Variants in SLC35F3 observed in about 807,000 individuals in gnomAD.
The protein encoded by SLC35F3 is solute carrier family 35 member F3.
In SLC35F3, 25 loss-of-function variants were observed where a neutral mutation model predicts 49.9. That is an observed-to-expected ratio of 0.50 (90% CI 0.37 to 0.70). SLC35F3 has a LOEUF of 0.70. Ranked by LOEUF, SLC35F3 falls within the 30% of genes least tolerant of loss-of-function variation. The pLI, the probability that SLC35F3 is intolerant of heterozygous loss-of-function variation, is 0.00. For missense variants in SLC35F3, 525 were observed against 639.8 expected, an observed-to-expected ratio of 0.82 and a Z score of 1.94; for synonymous variants, 275 against 265.4, an observed-to-expected ratio of 1.04 and a Z score of -0.35.
intron 2 of SLC35F3, among the ~76,000 whole-genome samples, chr1:234,029,552 A>G (rs939922148): frequency 6.6e-6 from 1 of 152,128 alleles, no homozygotes; most frequent in Non-Finnish European, 1.5e-5. Context: ...GTTTGGGGAG[A>G]CTACATTTAC....
intron 2 of SLC35F3, among the ~76,000 whole-genome samples, chr1:234,139,609 C>T (rs187867097): frequency 2.0e-5 from 3 of 152,076 alleles, no homozygotes; most frequent in Admixed American, 6.5e-5. Flanking sequence ...TCAAGTTGCC[C>T]GTGGTCAAGT....
chr1:234,241,816 G>A (rs760105921), intron 3 of SLC35F3, among the ~76,000 whole-genome samples: 12 of 151,804 alleles, frequency 7.9e-5, no homozygotes, highest in African/African-American at 2.4e-4. Flanking sequence ...AAATCAGCTC[G>A]CCTGGAACAT....
At chr1:234,122,491 G>A (rs71638487) in intron 2 of SLC35F3, among the ~76,000 whole-genome samples, 28,066 of 152,172 alleles carry the variant, frequency 0.18, 3,327 homozygotes, top group Non-Finnish European at 0.27. Context: ...CAGGATACAT[G>A]TGTAGAACGT....
intron 2 of SLC35F3, among the ~76,000 whole-genome samples, chr1:233,998,136 G>A (rs1029477251): frequency 2.6e-5 from 4 of 151,944 alleles, no homozygotes; most frequent in African/African-American, 4.8e-5. Flanking sequence ...ATATACTATG[G>A]TTCTGCGTGT....
intron 2 of SLC35F3, among the ~76,000 whole-genome samples, chr1:234,101,962 G>C (rs955711838): frequency 6.6e-5 from 10 of 152,222 alleles, no homozygotes; most frequent in African/African-American, 2.4e-4. Flanking sequence ...ATAGATTAGA[G>C]GATTCCCATT....
chr1:234,260,036 GT>G (rs1467254375), intron 3 of SLC35F3, among the ~76,000 whole-genome samples: 1 of 152,172 alleles, frequency 6.6e-6, no homozygotes, highest in African/African-American at 2.4e-5. Flanking sequence ...GGTAGGACAG[GT>G]GGGGAAAGGG....
At chr1:233,915,322 A>G (rs1304208974) in intron 2 of SLC35F3, among the ~76,000 whole-genome samples, 1 of 152,200 alleles carries the variant, frequency 6.6e-6, no homozygotes, top group African/African-American at 2.4e-5. Context: ...GTGTATGTCA[A>G]TTTCGCTACC....
intron 2 of SLC35F3, among the ~76,000 whole-genome samples, chr1:234,002,689 T>C (rs1214218207): frequency 6.6e-6 from 1 of 152,148 alleles, no homozygotes; most frequent in Non-Finnish European, 1.5e-5. Flanking sequence ...CACTCCTTCA[T>C]ACCATACTTG....
intron 2 of SLC35F3, among the ~76,000 whole-genome samples, chr1:234,224,048 G>A (rs1016725202): frequency 3.2e-5 from 4 of 124,618 alleles, no homozygotes; most frequent in Middle Eastern, 3.7e-3. Context: ...AACCTTTTTC[G>A]GTTTTTTGTT....
rs754420059 is a variant in SLC35F3 at position 233,957,071 on chromosome 1, G to A, written c.283+51313G>A. 1.5e-4 allele frequency among the ~76,000 whole-genome samples: 23 copies of A among 152,270 alleles called. No homozygotes were observed. Among genetic ancestry groups the A allele is most frequent in the Non-Finnish European group, 2.9e-4 (20 of 68,014 alleles). On this transcript the variant is annotated intron_variant, in intron 2 of 7. Coordinates refer to ENST00000366618, the MANE Select transcript of SLC35F3 (RefSeq NM_173508.4). The surrounding 1 kb of genome is among the most constrained non-coding windows in gnomAD (Gnocchi z 4.0). ...CCAGGTAAGTGAAGAAGCCTTTGCCGGTTTTATTTTTCCTGGTATCCTCTC... is the reference window on the plus strand; with the variant it reads ...CCAGGTAAGTGAAGAAGCCTTTGCCAGTTTTATTTTTCCTGGTATCCTCTC...
intron 2 of SLC35F3, among the ~76,000 whole-genome samples, chr1:234,146,956 C>A (rs1666007105): frequency 6.6e-6 from 1 of 152,148 alleles, no homozygotes; most frequent in African/African-American, 2.4e-5. Flanking sequence ...ATTCAGATGA[C>A]AGTTTAGCTG....
chr1:234,257,714 G>A (rs1667841787), intron 3 of SLC35F3, among the ~76,000 whole-genome samples: 1 of 151,434 alleles, frequency 6.6e-6, no homozygotes. Context: ...GTTCAAGAAA[G>A]AGGATGCATT....
chr1:233,957,926 G>A lies in SLC35F3; in HGVS notation c.283+52168G>A, dbSNP rs1662733114. On this transcript the variant is annotated intron_variant, in intron 2 of 7. Coordinates refer to ENST00000366618, the MANE Select transcript of SLC35F3 (RefSeq NM_173508.4). The surrounding 1 kb of genome is among the most constrained non-coding windows in gnomAD (Gnocchi z 4.0). ...TTCTTGAGGCCTTTTATATGTTTGTGGTCAAGTGGGTCTAGGGTTCAACTT... is the reference window on the plus strand; with the variant it reads ...TTCTTGAGGCCTTTTATATGTTTGTAGTCAAGTGGGTCTAGGGTTCAACTT... Among the ~76,000 whole-genome samples, 1 of 152,158 alleles carries A rather than the reference G, an allele frequency of 6.6e-6. No individual in the cohort carries two copies. The highest frequency in any genetic ancestry group is 1.5e-5 in the Non-Finnish European group (1 of 68,030).
chr1:234,209,089 C>T lies in SLC35F3; in HGVS notation c.284-22328C>T, dbSNP rs376626077. 8.5e-5 allele frequency among the ~76,000 whole-genome samples: 13 copies of T among 152,278 alleles called. No homozygotes were observed. The East Asian group carries it at 2.3e-3, about 27-fold the overall frequency. ...TCAAGACAGATAGGTGCCCAATGAT[C>T]TCATCAAGATATTATCTCATGCTAA... On this transcript the variant is annotated intron_variant, in intron 2 of 7. Transcript: ENST00000366618.
chr1:233,945,424 A>G lies in SLC35F3; in HGVS notation c.283+39666A>G, dbSNP rs143191507. On this transcript the variant is annotated intron_variant, in intron 2 of 7. Coordinates refer to ENST00000366618, the MANE Select transcript of SLC35F3 (RefSeq NM_173508.4). ...TTTTAAGAAGCAATAAGCTGCAAGT[A>G]CAAAACTGTTCTTCCACAAGGATGT... 5.1e-3 allele frequency among the ~76,000 whole-genome samples: 774 copies of G among 152,322 alleles called. 8 individuals carry two copies. The highest frequency in any genetic ancestry group is 0.014 in the African/African-American group (583 of 41,564).
chr1:234,322,214 G>A (rs1657638526), intron 7 of SLC35F3, among the ~76,000 whole-genome samples: 2 of 149,604 alleles, frequency 1.3e-5, no homozygotes. Context: ...AAAAAATACA[G>A]TTGACCCTTG....
At chr1:234,181,885 A>G (rs1340063173) in intron 2 of SLC35F3, among the ~76,000 whole-genome samples, 3 of 152,174 alleles carry the variant, frequency 2.0e-5, no homozygotes, top group Non-Finnish European at 4.4e-5. Context: ...ATCAATAGCA[A>G]CTATTTATGA....
At chr1:234,239,991 G>A (rs188214289) in intron 3 of SLC35F3, among the ~76,000 whole-genome samples, 4 of 152,036 alleles carry the variant, frequency 2.6e-5, no homozygotes, top group Non-Finnish European at 5.9e-5. Flanking sequence ...AATTAAACAC[G>A]ATGGTGTGTA....
chr1:234,024,858 G>T (rs1663954106), intron 2 of SLC35F3, among the ~76,000 whole-genome samples: 1 of 152,154 alleles, frequency 6.6e-6, no homozygotes, highest in Non-Finnish European at 1.5e-5. Context: ...TACATGTGCA[G>T]GTTTGTTACA....
Sources: allele counts gnomAD v4.1 joint callset (sites outside exome capture counted in the v4.1 genomes callset), GRCh38; gene constraint gnomAD v4.1.1; non-coding constraint Gnocchi (gnomAD v3.1); transcripts MANE v1.5; gene names NCBI Gene and HGNC (gene_info 2026-07-23, HGNC 2026-07-21).